The following DIAPH2 variants were observed in gnomAD, a reference collection of about 807,000 sequenced individuals.
The protein encoded by DIAPH2 is diaphanous related formin 2.
A neutral mutation model predicts 92.7 loss-of-function variants in DIAPH2; 35 were observed. That is an observed-to-expected ratio of 0.38 (90% CI 0.29 to 0.50). The LOEUF (loss-of-function observed/expected upper bound fraction) is 0.50, where lower values mean the gene tolerates loss of function less well. DIAPH2 is among the 20% of genes least tolerant of loss of function. The pLI, the probability that DIAPH2 is intolerant of heterozygous loss-of-function variation, is 0.94. For synonymous variants in DIAPH2, 301 were observed against 280.4 expected (o/e 1.07, Z -0.73); for missense variants, 701 against 819.5 (o/e 0.86, Z 1.77).
chrX:96,910,767 A>C (rs1474475729), intron 5 of DIAPH2, among the ~76,000 whole-genome samples: 1 of 111,461 alleles, frequency 9.0e-6, no homozygotes, highest in Non-Finnish European at 1.9e-5. Flanking sequence ...AAACATAGAA[A>C]TATTAATGAA....
At chrX:97,467,628 G>A (rs1209720295) in intron 26 of DIAPH2, among the ~76,000 whole-genome samples, 1 of 111,945 alleles carries the variant, frequency 8.9e-6, no homozygotes. Flanking sequence ...GCTATAAGAT[G>A]AACAGCAGTT....
intron 17 of DIAPH2, among the ~76,000 whole-genome samples, chrX:96,978,986 C>T (rs907623698): frequency 3.6e-5 from 4 of 111,638 alleles, no homozygotes; most frequent in African/African-American, 1.3e-4. Flanking sequence ...ATGGACCTCT[C>T]AGTAGGGCAG....
intron 26 of DIAPH2, among the ~76,000 whole-genome samples, chrX:97,550,485 A>G (rs758511839): frequency 2.7e-5 from 3 of 112,233 alleles, no homozygotes; most frequent in Admixed American, 9.4e-5. Context: ...TGGGCTCTTA[A>G]GCTAAGAACA....
intron 22 of DIAPH2, among the ~76,000 whole-genome samples, chrX:97,203,294 A>G (rs2067768342): frequency 8.9e-6 from 1 of 111,762 alleles, no homozygotes; most frequent in South Asian, 3.8e-4. Flanking sequence ...TTGAAAAGCT[A>G]GCAGAAGACA....
chrX:96,933,550 A>G (rs952552447), intron 10 of DIAPH2, among the ~76,000 whole-genome samples: 5 of 103,287 alleles, frequency 4.8e-5, no homozygotes, highest in Non-Finnish European at 7.8e-5. Flanking sequence ...GTATATATAT[A>G]TGTGTGTGTG....
chrX:97,185,472 C>CATATAT (rs2067590241), intron 22 of DIAPH2, among the ~76,000 whole-genome samples: 2 of 7,179 alleles, frequency 2.8e-4, no homozygotes, highest in African/African-American at 5.9e-4. Flanking sequence ...TATATATATA[C>CATATAT]ACATATATAT....
At chrX:97,597,494 CTGAAG>C (rs1457798881) in intron 26 of DIAPH2, among the ~76,000 whole-genome samples, 1 of 111,400 alleles carries the variant, frequency 9.0e-6, no homozygotes, top group Non-Finnish European at 1.9e-5. Context: ...AGTAGCATTA[CTGAAG>C]TGAAGTGTGG....
chrX:97,557,860 G>A (rs969274702), intron 26 of DIAPH2, among the ~76,000 whole-genome samples: 1 of 111,698 alleles, frequency 9.0e-6, no homozygotes, highest in African/African-American at 3.3e-5. Context: ...ATTATAATTG[G>A]CATATCAACT....
intron 4 of DIAPH2, among the ~76,000 whole-genome samples, chrX:96,876,587 A>T (rs1333231410): frequency 8.9e-6 from 1 of 112,001 alleles, no homozygotes; most frequent in Non-Finnish European, 1.9e-5. Flanking sequence ...GCCATAAAAA[A>T]TGATGAGTTC....
At chrX:97,281,747 A>G (rs1184452538) in intron 23 of DIAPH2, among the ~76,000 whole-genome samples, 1 of 110,779 alleles carries the variant, frequency 9.0e-6, no homozygotes, top group African/African-American at 3.3e-5. Flanking sequence ...CCGTCTCAAA[A>G]AAAAAAAAAA....
At chrX:97,276,652 A>G (rs1041554320) in intron 23 of DIAPH2, among the ~76,000 whole-genome samples, 6 of 112,165 alleles carry the variant, frequency 5.3e-5, no homozygotes, top group African/African-American at 1.9e-4. Flanking sequence ...GCATTTATCA[A>G]TTGCTTTGAG....
chrX:97,074,701 A>C (rs927817115), intron 18 of DIAPH2, among the ~76,000 whole-genome samples: 8 of 112,140 alleles, frequency 7.1e-5, no homozygotes, highest in African/African-American at 9.7e-5. Flanking sequence ...TTTTTTTCTT[A>C]TGTGGGAGAA....
chrX:96,854,610 TATATATATATATATATATATATATA>T (rs1448215256), intron 4 of DIAPH2, among the ~76,000 whole-genome samples: 5 of 63,143 alleles, frequency 7.9e-5, no homozygotes, highest in African/African-American at 3.3e-4. Context: ...TATATATATA[TATATATATATATATATATATATATA>T]TATATATCCA....
At chrX:97,193,975 C>T (rs1441082445) in intron 22 of DIAPH2, among the ~76,000 whole-genome samples, 1 of 111,593 alleles carries the variant, frequency 9.0e-6, no homozygotes, top group Non-Finnish European at 1.9e-5. Context: ...CTTTTACATA[C>T]ATTGTCAGGC....
chrX:96,714,001 G>T (rs2063934567), intron 1 of DIAPH2, among the ~76,000 whole-genome samples: 1 of 111,707 alleles, frequency 9.0e-6, no homozygotes, highest in African/African-American at 3.3e-5. Context: ...GTAAATGAGT[G>T]CTATTGCTGG....
chrX:97,477,318 G>C lies in DIAPH2; in HGVS notation c.3241+47573G>C, dbSNP rs189122205. Among the ~76,000 whole-genome samples the C allele has an allele frequency of 1.1e-4, 12 of 107,153 alleles. No individual in the cohort carries two copies. The East Asian group carries it at 3.6e-3, about 32-fold the overall frequency. 93.0% of individuals were successfully genotyped at this position (107,153 alleles called of 115,157 possible). On this transcript the variant is annotated intron_variant, in intron 26 of 26. Coordinates refer to ENST00000324765, the MANE Select transcript of DIAPH2 (RefSeq NM_006729.5). ...TGCACTCCAGCCTGGGCAACAGAGT[G>C]AGACTCTCTCAAAAAATATATATAG...
chrX:96,751,647 G>GTTTTTTTTTTTTTTTT (rs1332024432), intron 3 of DIAPH2, among the ~76,000 whole-genome samples: 29 of 85,009 alleles, frequency 3.4e-4, no homozygotes, highest in East Asian at 2.7e-3. Context: ...AGACTTCAGT[G>GTTTTTTTTTTTTTTTT]TTTTGTTTTT....
At chrX:96,772,772 C>G (rs993093014) in intron 4 of DIAPH2, among the ~76,000 whole-genome samples, 2 of 112,583 alleles carry the variant, frequency 1.8e-5, no homozygotes, top group Non-Finnish European at 3.8e-5. Flanking sequence ...ATTTTTTATG[C>G]TGATCTGTTT....
At chrX:96,729,109 C>T (rs1478205983) in intron 1 of DIAPH2, among the ~76,000 whole-genome samples, 1 of 111,919 alleles carries the variant, frequency 8.9e-6, no homozygotes, top group Non-Finnish European at 1.9e-5. Context: ...TGGGGGCTTC[C>T]AGGTCACAGG....
Sources: allele counts gnomAD v4.1 joint callset (sites outside exome capture counted in the v4.1 genomes callset), GRCh38; gene constraint gnomAD v4.1.1; transcripts MANE v1.5; gene names NCBI Gene and HGNC (gene_info 2026-07-23, HGNC 2026-07-21).